SLC38A10: variants seen among roughly 807,000 people sequenced by gnomAD.
The protein encoded by SLC38A10 is solute carrier family 38 member 10.
Under a neutral mutation model 81.0 loss-of-function variants are expected in SLC38A10, and 53 were observed. The observed-to-expected ratio is 0.65, with a 90% confidence interval of 0.53 to 0.82. SLC38A10 has a LOEUF of 0.82. Ranked by LOEUF, SLC38A10 falls within the 40% of genes least tolerant of loss-of-function variation. The pLI is 0.00. For synonymous variants in SLC38A10, 665 were observed against 655.3 expected (o/e 1.01, Z -0.23); for missense variants, 1,471 against 1,545.0 (o/e 0.95, Z 0.80).
At chr17:81,287,153 G>T (rs1453272184) in intron 2 of SLC38A10, among the ~76,000 whole-genome samples, 1 of 152,158 alleles carries the variant, frequency 6.6e-6, no homozygotes, top group Non-Finnish European at 1.5e-5. Flanking sequence ...AACAAAAAAC[G>T]ACACCTCTCC....
intron 10 of SLC38A10, among the ~76,000 whole-genome samples, chr17:81,269,803 G>A (rs1216713621): frequency 4.6e-5 from 7 of 151,862 alleles, no homozygotes; most frequent in South Asian, 2.1e-4. Context: ...TGACCAACAC[G>A]GAGAAACCCC....
chr17:81,261,254 C>G (rs72860054), intron 10 of SLC38A10, among the ~76,000 whole-genome samples: 6,848 of 152,334 alleles, frequency 0.045, 201 homozygotes, highest in Middle Eastern at 0.082. Context: ...CTCCTGCCAC[C>G]CCTGCTATGT....
rs116954912 is a variant in SLC38A10 at position 81,257,632 on chromosome 17, T to A, written c.1288+2606A>T. Among the ~76,000 whole-genome samples, 796 of 152,350 alleles carry A rather than the reference T, an allele frequency of 5.2e-3. 24 individuals carry two copies. The East Asian group carries it at 0.07, about 13-fold the overall frequency. On this transcript the variant is annotated intron_variant, in intron 11 of 15. Coordinates refer to ENST00000374759, the MANE Select transcript of SLC38A10 (RefSeq NM_001037984.3). Reference sequence around the variant, plus strand: ...ACGCATGGGGGCTGTGTGTCCCCGCTTGGGCCTGAGCACACAGAACTGTGG... The same window carrying A: ...ACGCATGGGGGCTGTGTGTCCCCGCATGGGCCTGAGCACACAGAACTGTGG...
At position 81,283,592 on chromosome 17, in the gene SLC38A10, G is replaced by A. The variant is rs2063235981; in HGVS notation, c.264-90C>T. On this transcript the variant is annotated intron_variant, in intron 3 of 15. Transcript: ENST00000374759. The surrounding 1 kb of genome is among the most constrained non-coding windows in gnomAD (Gnocchi z 4.7). Reference sequence around the variant, plus strand: ...CCAGGGACTACCCCAAGGCTGGGCTGAATGACAGATGTGATTTCTTTTTTC... The same window carrying A: ...CCAGGGACTACCCCAAGGCTGGGCTAAATGACAGATGTGATTTCTTTTTTC... 1 of 865,130 alleles carries A rather than the reference G, an allele frequency of 1.2e-6. No homozygotes were observed. The highest frequency in any genetic ancestry group is 1.8e-6 in the Non-Finnish European group (1 of 550,802). The allele number at this position is 865,130 out of a possible 1,614,324, so 53.6% of individuals were successfully genotyped here. A position where few individuals can be genotyped will look rare whatever the true frequency, so the allele number is the denominator to read the frequency against.
chr17:81,283,288 C>T lies in SLC38A10; in HGVS notation c.357+121G>A, dbSNP rs1168159677. On this transcript the variant is annotated intron_variant, in intron 4 of 15. Transcript: ENST00000374759. This position sits in a 1 kb window ranked among gnomAD's most constrained non-coding sequence, Gnocchi z 4.7. ...CTCCACCAAGCCCCTAGAATGACAG[C>T]AGGCTCGACAGAAGCTTCTCCCGAC... 22 of 841,966 alleles carry T rather than the reference C, an allele frequency of 2.6e-5. No homozygotes were observed. The highest frequency in any genetic ancestry group is 4.0e-5 in the Non-Finnish European group (21 of 526,736). The allele number at this position is 841,966 out of a possible 1,614,324, so 52.2% of individuals were successfully genotyped here. A position where few individuals can be genotyped will look rare whatever the true frequency, so the allele number is the denominator to read the frequency against.
At chr17:81,271,478 G>A (rs945690296) in intron 9 of SLC38A10, among the ~76,000 whole-genome samples, 3 of 152,196 alleles carry the variant, frequency 2.0e-5, no homozygotes, top group Non-Finnish European at 4.4e-5. Context: ...GGGAGAGTGC[G>A]TGCGAGTTCC....
Position 81,276,464 on chromosome 17 carries a change from G to A in SLC38A10, c.730-313C>T, listed in dbSNP as rs561839024. Among the ~76,000 whole-genome samples the A allele has an allele frequency of 5.3e-5, 8 of 150,294 alleles. No homozygotes were observed. Among genetic ancestry groups the A allele is most frequent in the South Asian group, 2.1e-4 (1 of 4,756 alleles). On this transcript the variant is annotated intron_variant, in intron 7 of 15. Coordinates refer to ENST00000374759, the MANE Select transcript of SLC38A10 (RefSeq NM_001037984.3). The surrounding 1 kb of genome is among the most constrained non-coding windows in gnomAD (Gnocchi z 4.7). ...GCAGTGGTGCGATCTTGGCCTCGGCGTACCTCTGCCTCCCCGGTCCTGGTT... is the reference window on the plus strand; with the variant it reads ...GCAGTGGTGCGATCTTGGCCTCGGCATACCTCTGCCTCCCCGGTCCTGGTT...
chr17:81,259,037 A>G (rs1395791629), intron 11 of SLC38A10, among the ~76,000 whole-genome samples: 1 of 152,246 alleles, frequency 6.6e-6, no homozygotes, highest in Non-Finnish European at 1.5e-5. Flanking sequence ...GGCAGTTTGT[A>G]TGAGGTGACA....
Position 81,275,882 on chromosome 17 carries a change from T to C in SLC38A10, c.912+87A>G, listed in dbSNP as rs1342276514. 7 of 1,437,652 alleles carry C rather than the reference T, an allele frequency of 4.9e-6. No individual in the cohort carries two copies. The African/African-American group carries it at 5.7e-5, about 12-fold the overall frequency. 89.1% of individuals were successfully genotyped at this position (1,437,652 alleles called of 1,614,324 possible). A position where few individuals can be genotyped will look rare whatever the true frequency, so the allele number is the denominator to read the frequency against. On this transcript the variant is annotated intron_variant, in intron 8 of 15. Transcript: ENST00000374759. ...GACGCAAATCCCCACTTTCCTGCTA[T>C]ATCTCTGGTTCGGGACAGCTGGGGG...
intron 6 of SLC38A10, among the ~76,000 whole-genome samples, chr17:81,278,047 T>C (rs541686183): frequency 7.1e-4 from 94 of 132,276 alleles, no homozygotes; most frequent in Admixed American, 5.7e-3. Context: ...GAGGGCGGGA[T>C]GCAGAAAGCC....
At chr17:81,250,577 C>A (rs78709641) in intron 14 of SLC38A10, among the ~76,000 whole-genome samples, 2 of 152,370 alleles carry the variant, frequency 1.3e-5, no homozygotes, top group East Asian at 3.9e-4. Flanking sequence ...GACCCCCACA[C>A]AGATCCCTGG....
At chr17:81,251,106 C>T (rs2062906445) in intron 14 of SLC38A10, 2 of 1,503,394 alleles carry the variant, frequency 1.3e-6, no homozygotes, top group Non-Finnish European at 1.8e-6. Flanking sequence ...TGGGTGCAGG[C>T]ACGCCCACAC....
chr17:81,261,178 C>G (rs778865077), intron 10 of SLC38A10, among the ~76,000 whole-genome samples: 1 of 152,234 alleles, frequency 6.6e-6, no homozygotes, highest in Non-Finnish European at 1.5e-5. Context: ...CGTGCCGCCT[C>G]GGTGACTCTG....
In SLC38A10 at chr17:81,253,078, C is replaced by G; in HGVS notation, c.1451G>C (p.Gly484Ala). Residue 484 changes from glycine to alanine, a missense_variant, in exon 12 of 16, where the codon GGG becomes GCG. By Grantham distance (60) the Gly-to-Ala change is moderately conservative. Around this residue, in one of 2 missense-constraint regions of SLC38A10, gnomAD observed 720 missense variants for 827.7 expected, o/e 0.87. Coordinates refer to ENST00000374759, the MANE Select transcript of SLC38A10 (RefSeq NM_001037984.3). This position sits in a 1 kb window ranked among gnomAD's most constrained non-coding sequence, Gnocchi z 4.1. The part of the protein sequence containing the change: ...APEEAQLDRP[G>A]QGIAVPVGEA... The stretch of plus-strand genomic sequence containing the variant: ...CCCCAGCCAGTGCCCAGCACCTTGC[C>G]CAGGGCGATCGAGCTGTGCCTCCTC... 6.2e-7 allele frequency: 1 copy of G among 1,612,884 alleles called. No individual in the cohort carries two copies. The highest frequency in any genetic ancestry group is 8.5e-7 in the Non-Finnish European group (1 of 1,179,974).
chr17:81,252,821 C>T (rs1462037088), intron 12 of SLC38A10, 138 bp from the exon 13 acceptor site: 1 of 1,355,324 alleles, frequency 7.4e-7, no homozygotes, highest in East Asian at 2.5e-5. Flanking sequence ...CCCCTGCCGG[C>T]CTCCCTGCTG....
At chr17:81,257,714 T>C (rs1263574275) in intron 11 of SLC38A10, among the ~76,000 whole-genome samples, 1 of 152,206 alleles carries the variant, frequency 6.6e-6, no homozygotes. Flanking sequence ...AGACCCTCCT[T>C]CTGTCCCACA....
At chr17:81,261,415 G>A (rs2063022706) in intron 10 of SLC38A10, among the ~76,000 whole-genome samples, 1 of 152,246 alleles carries the variant, frequency 6.6e-6, no homozygotes, top group Admixed American at 6.5e-5. Context: ...CTGGCAAGGC[G>A]GACTTCTGTA....
chr17:81,264,413 C>T (rs11651784), intron 10 of SLC38A10: 64,606 of 152,170 alleles, frequency 0.42, 14,942 homozygotes, highest in African/African-American at 0.61. Flanking sequence ...GCCGCAGAAC[C>T]GGCCAGCAGG....
rs766902328 is a variant in SLC38A10 at position 81,280,731 on chromosome 17, G to A, written c.504C>T (p.Ile168=). 37 of 1,611,596 alleles carry A rather than the reference G, an allele frequency of 2.3e-5. No homozygotes were observed. The highest frequency in any genetic ancestry group is 2.2e-4 in the Admixed American group (13 of 59,842). ...GGCCGTGCTTGAGAGAGGAGAGCAC[G>A]ATCTGCAGAGGGAGAGGGGAGAGAG... is the stretch of plus-strand genomic sequence containing the variant. The part of the protein sequence containing the change: ...LLFYTVFMFV[I]VLSSLKHGLF... Residue 168 remains isoleucine (I), a splice_region_variant and synonymous_variant, in exon 6 of 16, where the codon ATC becomes ATT. Transcript: ENST00000374759.
Sources: allele counts gnomAD v4.1 joint callset (sites outside exome capture counted in the v4.1 genomes callset), GRCh38; gene constraint gnomAD v4.1.1; regional missense constraint gnomAD v4.1.1; non-coding constraint Gnocchi (gnomAD v3.1); transcripts MANE v1.5; gene names NCBI Gene and HGNC (gene_info 2026-07-23, HGNC 2026-07-21).